Variants in DYNC1I1 observed in about 807,000 individuals in gnomAD.
The protein encoded by DYNC1I1 is cytoplasmic dynein 1 intermediate chain 1.
In DYNC1I1, 43 loss-of-function variants were observed where a neutral mutation model predicts 86.6. The ratio of observed to expected loss-of-function variants is 0.50; its 90% CI spans 0.39 to 0.64. The LOEUF (loss-of-function observed/expected upper bound fraction) is 0.64. Ranked by LOEUF, DYNC1I1 falls within the 30% of genes least tolerant of loss-of-function variation. The probability of loss-of-function intolerance (pLI) is 0.00; values close to 1 mark genes in which losing one functional copy is unlikely to be tolerated. For synonymous variants in DYNC1I1, 262 were observed against 283.7 expected (o/e 0.92, Z 0.77); for missense variants, 604 against 788.8 (o/e 0.77, Z 2.81).
chr7:95,823,952 C>CTATATA (rs71127429), intron 4 of DYNC1I1, among the ~76,000 whole-genome samples: 17,055 of 77,348 alleles, frequency 0.22, 2,472 homozygotes, highest in Non-Finnish European at 0.26. Context: ...TTCTACTAAA[C>CTATATA]TATATATATA....
At chr7:95,846,623 CTCTCTGTGTGTGTGTG>C (rs1789436587) in intron 5 of DYNC1I1, among the ~76,000 whole-genome samples, 2 of 121,122 alleles carry the variant, frequency 1.7e-5, no homozygotes, top group Non-Finnish European at 1.7e-5. Context: ...ATAAATCTCT[CTCTCTGTGTGTGTGTG>C]TGTGTGTGTG....
intron 16 of DYNC1I1, among the ~76,000 whole-genome samples, chr7:96,107,319 C>T (rs1303290374): frequency 2.0e-5 from 3 of 151,996 alleles, no homozygotes; most frequent in Non-Finnish European, 2.9e-5. Flanking sequence ...TGTGAGCCAC[C>T]GTGCCCAGCC....
chr7:96,095,684 C>T (rs1790981874), intron 16 of DYNC1I1, among the ~76,000 whole-genome samples: 1 of 151,906 alleles, frequency 6.6e-6, no homozygotes, highest in South Asian at 2.1e-4. Context: ...GCTTGCTCAG[C>T]GGTTGGAAGA....
intron 6 of DYNC1I1, among the ~76,000 whole-genome samples, chr7:95,938,440 AG>A (rs1792108034): frequency 6.6e-6 from 1 of 152,206 alleles, no homozygotes; most frequent in African/African-American, 2.4e-5. Flanking sequence ...GAGCAGGGGA[AG>A]GTGTTAACCT....
intron 5 of DYNC1I1, among the ~76,000 whole-genome samples, chr7:95,863,055 G>A (rs990786266): frequency 9.2e-5 from 14 of 151,948 alleles, no homozygotes; most frequent in African/African-American, 2.9e-4. Flanking sequence ...GGATTCAGAG[G>A]GCCAACTGTA....
intron 1 of DYNC1I1, among the ~76,000 whole-genome samples, chr7:95,778,151 G>C (rs1196843149): frequency 6.6e-6 from 1 of 152,126 alleles, no homozygotes; most frequent in Non-Finnish European, 1.5e-5. Flanking sequence ...TTGGGGTTTT[G>C]TTTGTTTGTT....
rs939721795 is a variant in DYNC1I1 at position 95,972,708 on chromosome 7, A to T, written c.491-4804A>T. Among the ~76,000 whole-genome samples, 9 of 152,324 alleles carry T rather than the reference A, an allele frequency of 5.9e-5. No individual in the cohort carries two copies. The South Asian group carries it at 1.9e-3, about 32-fold the overall frequency. Reference sequence around the variant, plus strand: ...GGACTGCTGCATACTAAAACTGTCTACGTCGGCTTCATTCAGAGCCATGGA... The same window carrying T: ...GGACTGCTGCATACTAAAACTGTCTTCGTCGGCTTCATTCAGAGCCATGGA... On this transcript the variant is annotated intron_variant, in intron 6 of 16. Coordinates refer to ENST00000447467, the MANE Select transcript of DYNC1I1 (RefSeq NM_001135556.2).
intron 6 of DYNC1I1, among the ~76,000 whole-genome samples, chr7:95,903,885 T>C (rs1013518560): frequency 6.6e-6 from 1 of 152,134 alleles, no homozygotes; most frequent in Admixed American, 6.5e-5. Context: ...GTGTACTTAG[T>C]TGAATGCTAG....
At chr7:96,047,790 T>C (rs1465995363) in intron 14 of DYNC1I1, among the ~76,000 whole-genome samples, 2 of 152,088 alleles carry the variant, frequency 1.3e-5, no homozygotes, top group Non-Finnish European at 2.9e-5. Flanking sequence ...GAAAGGTGTA[T>C]GGTTTAAAAA....
At chr7:95,992,453 A>G (rs948791100) in intron 9 of DYNC1I1, among the ~76,000 whole-genome samples, 1 of 152,136 alleles carries the variant, frequency 6.6e-6, no homozygotes, top group African/African-American at 2.4e-5. Context: ...TATTAGCAAC[A>G]TAGCATGGAA....
At chr7:95,963,413 G>A (rs964731366) in intron 6 of DYNC1I1, among the ~76,000 whole-genome samples, 1 of 152,022 alleles carries the variant, frequency 6.6e-6, no homozygotes, top group African/African-American at 2.4e-5. Context: ...AATATACCGC[G>A]TTTTGAAGAA....
At position 96,025,840 on chromosome 7, in the gene DYNC1I1, C is replaced by CGG. The variant is rs3216255; in HGVS notation, c.970-2327_970-2326dup. ...AGTCTCAACAAACAGTACAAGCTTG[C>CGG]GGGGGGGGGATATTTGCTTGGATTT... On this transcript the variant is annotated intron_variant, in intron 10 of 16. Coordinates refer to ENST00000447467, the MANE Select transcript of DYNC1I1 (RefSeq NM_001135556.2). Among the ~76,000 whole-genome samples, 670 of 150,014 alleles carry CGG rather than the reference C, an allele frequency of 4.5e-3. 2 individuals carry two copies. The highest frequency in any genetic ancestry group is 4.8e-3 in the Non-Finnish European group (326 of 67,450).
rs774584206 is a variant in DYNC1I1 at position 95,869,832 on chromosome 7, T to C, written c.375-51T>C. The C allele has an allele frequency of 2.0e-6, 3 of 1,535,580 alleles. No individual in the cohort carries two copies. The South Asian group carries it at 3.5e-5, about 18-fold the overall frequency. ...GCTTTCTTTTATTACTGATAGCTCT[T>C]CTGCAAGGAATGCCTCCCCTCTCTA... On this transcript the variant is annotated intron_variant, in intron 5 of 16. Transcript: ENST00000447467.
intron 5 of DYNC1I1, among the ~76,000 whole-genome samples, chr7:95,835,631 ACTTT>A (rs1220947508): frequency 2.5e-4 from 38 of 152,142 alleles, no homozygotes; most frequent in African/African-American, 8.0e-4. Context: ...GTCACTCAGG[ACTTT>A]CTTTATGAAT....
rs1584189032 is a variant in DYNC1I1 at position 95,946,414 on chromosome 7, G to A, written c.491-31098G>A. On this transcript the variant is annotated intron_variant, in intron 6 of 16. Transcript: ENST00000447467. ...TTAGCGTGTTTGGAAAAGCACATAA[G>A]CATGATGATATGAGGTGCTGAAGTA... is the stretch of plus-strand genomic sequence containing the variant. Among the ~76,000 whole-genome samples, 5 of 152,126 alleles carry A rather than the reference G, an allele frequency of 3.3e-5. No homozygotes were observed. The South Asian group carries it at 1.0e-3, about 32-fold the overall frequency.
At position 96,087,583 on chromosome 7, in the gene DYNC1I1, CT is replaced by C. The variant is rs1389694628; in HGVS notation, c.1776+7098del. ...TTCTTTAGCTGATACCAAATACTTCCTTTGATTTTCTCTCCTTGAAAAAGAA... is the reference window on the plus strand; with the variant it reads ...TTCTTTAGCTGATACCAAATACTTCCTTGATTTTCTCTCCTTGAAAAAGAA... On this transcript the variant is annotated intron_variant, in intron 16 of 16. Transcript: ENST00000447467. 1.1e-4 allele frequency among the ~76,000 whole-genome samples: 16 copies of C among 152,282 alleles called. No homozygotes were observed. In the East Asian group the frequency reaches 2.9e-3, roughly 28 times the overall value.
chr7:96,075,470 A>G (rs546285901), intron 14 of DYNC1I1, among the ~76,000 whole-genome samples: 9 of 152,298 alleles, frequency 5.9e-5, no homozygotes, highest in African/African-American at 1.9e-4. Context: ...TCGCGAAATG[A>G]TTACCTCCTG....
chr7:95,788,234 G>A (rs1794200873), intron 1 of DYNC1I1, among the ~76,000 whole-genome samples: 2 of 152,172 alleles, frequency 1.3e-5, no homozygotes, highest in Non-Finnish European at 2.9e-5. Flanking sequence ...ACCCATTAGG[G>A]GGCTTCTGCA....
chr7:96,104,301 A>G (rs1236166977), intron 16 of DYNC1I1, among the ~76,000 whole-genome samples: 1 of 152,122 alleles, frequency 6.6e-6, no homozygotes, highest in African/African-American at 2.4e-5. Flanking sequence ...TGTTACAAAC[A>G]TTTTTCCCAG....
Sources: allele counts gnomAD v4.1 joint callset (sites outside exome capture counted in the v4.1 genomes callset), GRCh38; gene constraint gnomAD v4.1.1; transcripts MANE v1.5; gene names NCBI Gene and HGNC (gene_info 2026-07-23, HGNC 2026-07-21).